Variants in RBFOX1 observed in about 807,000 individuals in gnomAD.
RBFOX1 encodes the protein RNA binding fox-1 homolog 1.
A neutral mutation model predicts 57.7 loss-of-function variants in RBFOX1; 8 were observed. The ratio of observed to expected loss-of-function variants is 0.14; its 90% CI spans 0.08 to 0.25. RBFOX1 has a LOEUF of 0.25. Among genes scored for constraint, RBFOX1 ranks in the 10% least tolerant of loss-of-function variants. The probability of loss-of-function intolerance (pLI) is 1.00; values close to 1 mark genes in which losing one functional copy is unlikely to be tolerated. For missense variants in RBFOX1, 611 were observed against 548.5 expected, an observed-to-expected ratio of 1.11 and a Z score of -1.14; for synonymous variants, 326 against 222.4, an observed-to-expected ratio of 1.47 and a Z score of -4.15.
At chr16:5,604,726 G>A (rs932088511), downstream of RBFOX1, among the ~76,000 whole-genome samples, 4 of 152,030 alleles carry the variant, frequency 2.6e-5, no homozygotes, top group African/African-American at 9.7e-5. Context: ...TCCTCTTCTT[G>A]GGGCCAAGTG....
intron 4 of RBFOX1, among the ~76,000 whole-genome samples, chr16:7,377,286 G>A (rs2097701978): frequency 6.6e-6 from 1 of 152,168 alleles, no homozygotes; most frequent in South Asian, 2.1e-4. Flanking sequence ...ATGATACTGG[G>A]ACACAGGTGG....
At chr16:6,930,534 C>T (rs1399720742) in intron 3 of RBFOX1, among the ~76,000 whole-genome samples, 1 of 152,010 alleles carries the variant, frequency 6.6e-6, no homozygotes, top group African/African-American at 2.4e-5. Flanking sequence ...CTCAGCCTCC[C>T]AAGCAGTTGG....
At chr16:7,074,655 C>G (rs115606071) in intron 4 of RBFOX1, among the ~76,000 whole-genome samples, 1 of 151,940 alleles carries the variant, frequency 6.6e-6, no homozygotes, top group Non-Finnish European at 1.5e-5. Context: ...GACAAAAAAC[C>G]ATTTTAAGGA....
intron 4 of RBFOX1, among the ~76,000 whole-genome samples, chr16:5,909,224 C>A (rs919951631): frequency 6.6e-6 from 1 of 151,220 alleles, no homozygotes; most frequent in Admixed American, 6.6e-5. Context: ...TCCCGAGTAG[C>A]TGGGACTACA....
intron 14 of RBFOX1, among the ~76,000 whole-genome samples, chr16:7,682,156 G>C (rs937513264): frequency 6.6e-6 from 1 of 152,128 alleles, no homozygotes; most frequent in African/African-American, 2.4e-5. Flanking sequence ...ATAGCAAACG[G>C]TAGTTTTAGA....
chr16:5,314,274 G>T (rs2064171276), intron 1 of RBFOX1, among the ~76,000 whole-genome samples: 1 of 152,236 alleles, frequency 6.6e-6, no homozygotes, highest in African/African-American at 2.4e-5. Flanking sequence ...CAGATAACCA[G>T]CCTTTGTGTG....
chr16:7,410,543 T>A (rs1205514564), intron 4 of RBFOX1, among the ~76,000 whole-genome samples: 1 of 151,614 alleles, frequency 6.6e-6, no homozygotes, highest in Non-Finnish European at 1.5e-5. Context: ...TAGCTGGGAG[T>A]GGTGGTGCGT....
At chr16:5,826,475 A>G (rs1027587437) in intron 3 of RBFOX1, among the ~76,000 whole-genome samples, 1 of 152,302 alleles carries the variant, frequency 6.6e-6, no homozygotes, top group East Asian at 1.9e-4. Context: ...TGGTGTTGTG[A>G]CCTATATGGT....
At chr16:5,424,930 T>C (rs1055154930) in intron 1 of RBFOX1, among the ~76,000 whole-genome samples, 8,259 of 125,392 alleles carry the variant, frequency 0.066, 814 homozygotes, top group Non-Finnish European at 0.077. Flanking sequence ...TTTCTTTCTT[T>C]CTTTCTCTCT....
intron 3 of RBFOX1, among the ~76,000 whole-genome samples, chr16:6,671,867 T>G (rs1459708290): frequency 1.3e-5 from 2 of 152,228 alleles, no homozygotes; most frequent in Non-Finnish European, 2.9e-5. Flanking sequence ...TCATGAAATT[T>G]TTGTGTGCCA....
intron 1 of RBFOX1, among the ~76,000 whole-genome samples, chr16:5,296,951 C>T (rs2063684623): frequency 6.6e-6 from 1 of 152,182 alleles, no homozygotes; most frequent in Non-Finnish European, 1.5e-5. Context: ...GCTGGGATTA[C>T]AGGCATGAGC....
intron 4 of RBFOX1, among the ~76,000 whole-genome samples, chr16:7,298,864 G>C (rs186173193): frequency 6.6e-6 from 1 of 152,304 alleles, no homozygotes; most frequent in African/African-American, 2.4e-5. Flanking sequence ...GGACGAGGAA[G>C]ACAAGGGGTT....
chr16:5,978,024 C>T (rs955462426), intron 4 of RBFOX1, among the ~76,000 whole-genome samples: 22 of 150,558 alleles, frequency 1.5e-4, no homozygotes, highest in Non-Finnish European at 2.4e-4. Flanking sequence ...TGGATAGCAC[C>T]GCGCCCCCAG....
intron 2 of RBFOX1, among the ~76,000 whole-genome samples, chr16:6,527,715 G>C (rs148076430): frequency 1.9e-3 from 286 of 152,194 alleles, no homozygotes; most frequent in Non-Finnish European, 2.9e-3. Flanking sequence ...CTGAGTCAGA[G>C]CCTGAAATCG....
intron 1 of RBFOX1, among the ~76,000 whole-genome samples, chr16:5,460,163 A>G (rs1044565273): frequency 4.6e-5 from 7 of 152,202 alleles, no homozygotes; most frequent in African/African-American, 1.2e-4. Context: ...CCAAATGAGA[A>G]CCTCAGGTAT....
Position 5,392,174 on chromosome 16 carries a change from G to T in RBFOX1, c.220-75042G>T, listed in dbSNP as rs368479452. ...ATGAGGGATAAAAGACTACAAATTG[G>T]GTTCATTATGTACTGCTTGGGTGAT... On this transcript the variant is annotated intron_variant, in intron 1 of 2. Transcript: ENST00000585867. 6.6e-5 allele frequency among the ~76,000 whole-genome samples: 10 copies of T among 151,872 alleles called. 1 individual carries two copies. The South Asian group carries it at 1.0e-3, about 16-fold the overall frequency.
chr16:6,197,690 A>G (rs967862634), intron 1 of RBFOX1, among the ~76,000 whole-genome samples: 8 of 150,356 alleles, frequency 5.3e-5, no homozygotes, highest in African/African-American at 1.7e-4. Flanking sequence ...GTTTTCTTAT[A>G]TAGATAAAGT....
chr16:7,512,577 T>C (rs563534035), intron 4 of RBFOX1, among the ~76,000 whole-genome samples: 1 of 152,346 alleles, frequency 6.6e-6, no homozygotes, highest in Non-Finnish European at 1.5e-5. Flanking sequence ...GGATGAAATC[T>C]GGAGTCCCAT....
At chr16:6,278,017 A>T (rs1219842468) in intron 1 of RBFOX1, among the ~76,000 whole-genome samples, 1 of 152,134 alleles carries the variant, frequency 6.6e-6, no homozygotes, top group African/African-American at 2.4e-5. Context: ...TGAACGAATT[A>T]AAATGTGAAG....
Sources: allele counts gnomAD v4.1 joint callset (sites outside exome capture counted in the v4.1 genomes callset), GRCh38; gene constraint gnomAD v4.1.1; transcripts MANE v1.5; gene names NCBI Gene and HGNC (gene_info 2026-07-23, HGNC 2026-07-21).